XKR4: variants seen among roughly 807,000 people sequenced by gnomAD.
XKR4 encodes XK related 4.
Under a neutral mutation model 53.9 loss-of-function variants are expected in XKR4, and 12 were observed. The ratio of observed to expected loss-of-function variants is 0.22; its 90% confidence interval spans 0.14 to 0.36. The LOEUF (loss-of-function observed/expected upper bound fraction) is 0.36. Among genes scored for constraint, XKR4 ranks in the 10% least tolerant of loss-of-function variants. XKR4 has a pLI of 1.00. For synonymous variants in XKR4, 354 were observed against 362.4 expected, an observed-to-expected ratio of 0.98 and a Z score of 0.26; for missense variants, 799 against 859.5, an observed-to-expected ratio of 0.93 and a Z score of 0.88.
At chr8:55,206,829 T>C (rs1217983081) in intron 1 of XKR4, among the ~76,000 whole-genome samples, 1 of 152,236 alleles carries the variant, frequency 6.6e-6, no homozygotes, top group Admixed American at 6.5e-5. Context: ...AAATCCCATA[T>C]AGTTATTGCA....
At chr8:55,247,835 T>TTTTCTTTCTTTC (rs374604470) in intron 1 of XKR4, among the ~76,000 whole-genome samples, 72 of 65,128 alleles carry the variant, frequency 1.1e-3, no homozygotes, top group African/African-American at 2.3e-3. Context: ...TAATTTTTCT[T>TTTTCTTTCTTTC]TTTCTTTCTT....
intron 1 of XKR4, among the ~76,000 whole-genome samples, chr8:55,173,118 C>T (rs1189828398): frequency 6.6e-6 from 1 of 152,162 alleles, no homozygotes; most frequent in African/African-American, 2.4e-5. Context: ...ATGCTCACCC[C>T]TGGGAGCTGT....
At chr8:55,501,289 G>T (rs1206160548) in intron 2 of XKR4, among the ~76,000 whole-genome samples, 1 of 152,030 alleles carries the variant, frequency 6.6e-6, no homozygotes, top group Non-Finnish European at 1.5e-5. Context: ...TAAAATTTAT[G>T]GTTTGATATT....
At chr8:55,139,080 G>A (rs117798569) in intron 1 of XKR4, among the ~76,000 whole-genome samples, 2,671 of 152,126 alleles carry the variant, frequency 0.018, 40 homozygotes, top group Middle Eastern at 0.051. Flanking sequence ...TTTTCATATT[G>A]GGACAAGATT....
chr8:55,253,043 G>A (rs1489752210), intron 1 of XKR4, among the ~76,000 whole-genome samples: 1 of 152,108 alleles, frequency 6.6e-6, no homozygotes, highest in Non-Finnish European at 1.5e-5. Context: ...ATATGATACC[G>A]GAAAGCACAG....
At position 55,523,897 on chromosome 8, in the gene XKR4, G is replaced by A. The variant is rs1806841557; in HGVS notation, c.1623G>A (p.Val541=). The change falls in exon 3 of 3, where the codon GTG becomes GTA. Residue 541 remains valine (V), a synonymous_variant. Coordinates refer to ENST00000327381, the MANE Select transcript of XKR4 (RefSeq NM_052898.2). ...CTGCCTTCACTTTGCCCCCAGACGT[G>A]GCCACAAGCACCCTACGGTCCATCT... ...PAAAFTLPPD[V]ATSTLRSISN... is the part of the protein sequence containing the mutation. 8 of 1,614,044 alleles carry A rather than the reference G, an allele frequency of 5.0e-6. No homozygotes were observed. In the East Asian group the frequency reaches 1.8e-4, roughly 36 times the overall value.
rs896360539 is a variant in XKR4 at position 55,192,370 on chromosome 8, A to C, written c.806+89076A>C. Among the ~76,000 whole-genome samples the C allele has an allele frequency of 6.3e-4, 96 of 151,974 alleles. 3 individuals carry two copies. The highest frequency in any genetic ancestry group is 6.6e-5 in the Admixed American group (1 of 15,260). On this transcript the variant is annotated intron_variant, in intron 1 of 2. Coordinates refer to ENST00000327381, the MANE Select transcript of XKR4 (RefSeq NM_052898.2). ...AAAAAATGGCCACACTGATGTTTATATAACAAAATTTGGGGCTATTTTGAA... is the reference window on the plus strand; with the variant it reads ...AAAAAATGGCCACACTGATGTTTATCTAACAAAATTTGGGGCTATTTTGAA...
intron 1 of XKR4, among the ~76,000 whole-genome samples, chr8:55,163,855 C>A (rs150288831): frequency 2.0e-4 from 30 of 151,996 alleles, no homozygotes; most frequent in African/African-American, 7.0e-4. Flanking sequence ...AAAAATAAAT[C>A]AATAAATGAA....
At chr8:55,358,766 T>A (rs1312457522) in intron 2 of XKR4, among the ~76,000 whole-genome samples, 1 of 152,256 alleles carries the variant, frequency 6.6e-6, no homozygotes, top group East Asian at 1.9e-4. Context: ...TTTGTTTGGA[T>A]CTCAGCAGGG....
intron 2 of XKR4, among the ~76,000 whole-genome samples, chr8:55,434,330 T>A (rs1350945811): frequency 6.6e-6 from 1 of 152,076 alleles, no homozygotes; most frequent in Admixed American, 6.6e-5. Flanking sequence ...AGAATTAAAT[T>A]CAACATTGAA....
intron 2 of XKR4, chr8:55,451,772 G>A (rs962778361): frequency 4.6e-6 from 5 of 1,075,712 alleles, no homozygotes; most frequent in Admixed American, 1.8e-5. Flanking sequence ...CTGCTCAGGG[G>A]GCCCAGGCCA....
At chr8:55,520,668 T>C (rs1449365714) in intron 2 of XKR4, among the ~76,000 whole-genome samples, 1 of 152,208 alleles carries the variant, frequency 6.6e-6, no homozygotes, top group African/African-American at 2.4e-5. Flanking sequence ...CACAGGGACA[T>C]GAAATTTCCC....
intron 2 of XKR4, among the ~76,000 whole-genome samples, chr8:55,470,555 C>T (rs1805863169): frequency 6.6e-6 from 1 of 152,274 alleles, no homozygotes; most frequent in Non-Finnish European, 1.5e-5. Context: ...AAACCTCTTT[C>T]TTCTTACGTT....
chr8:55,109,198 C>T (rs139096071), intron 1 of XKR4, among the ~76,000 whole-genome samples: 7 of 152,154 alleles, frequency 4.6e-5, no homozygotes, highest in East Asian at 1.9e-4. Flanking sequence ...ACTGGAGTGT[C>T]GAAGCATAGT....
chr8:55,416,442 C>T (rs905375588), intron 2 of XKR4, among the ~76,000 whole-genome samples: 1 of 152,176 alleles, frequency 6.6e-6, no homozygotes, highest in Non-Finnish European at 1.5e-5. Context: ...ACCATAGCTT[C>T]ACAGTCTCAT....
chr8:55,202,895 G>A (rs1404158080), intron 1 of XKR4, among the ~76,000 whole-genome samples: 2 of 152,308 alleles, frequency 1.3e-5, no homozygotes, highest in East Asian at 3.9e-4. Flanking sequence ...CTGCAGAGCA[G>A]CCCTGCTGGC....
Position 55,132,353 on chromosome 8 carries a change from A to T in XKR4, c.806+29059A>T, listed in dbSNP as rs554840823. Among the ~76,000 whole-genome samples the T allele has an allele frequency of 9.9e-5, 15 of 152,242 alleles. No individual in the cohort carries two copies. The South Asian group carries it at 2.9e-3, about 29-fold the overall frequency. On this transcript the variant is annotated intron_variant, in intron 1 of 2. Coordinates refer to ENST00000327381, the MANE Select transcript of XKR4 (RefSeq NM_052898.2). ...TTATCCACAAGGAATACACTTGAAGACCCCTTGAAAGTGTGGATAGTACCA... is the reference window on the plus strand; with the variant it reads ...TTATCCACAAGGAATACACTTGAAGTCCCCTTGAAAGTGTGGATAGTACCA...
At chr8:55,378,342 T>C (rs1251517177) in intron 2 of XKR4, among the ~76,000 whole-genome samples, 1 of 152,250 alleles carries the variant, frequency 6.6e-6, no homozygotes, top group Non-Finnish European at 1.5e-5. Flanking sequence ...AACGTGCAAA[T>C]GCAAGATTCG....
intron 1 of XKR4, among the ~76,000 whole-genome samples, chr8:55,337,187 C>T (rs1257885617): frequency 6.6e-6 from 1 of 151,982 alleles, no homozygotes; most frequent in Admixed American, 6.6e-5. Context: ...CTAAAAAGGG[C>T]CCTAGTGTCT....
Sources: gnomAD v4.1 joint callset for allele counts (sites outside exome capture counted in the v4.1 genomes callset) on GRCh38, gnomAD v4.1.1 for gene constraint, MANE v1.5 for transcripts, NCBI Gene and HGNC (gene_info 2026-07-23, HGNC 2026-07-21) for gene names.